The following SGCD variants were observed in gnomAD, a reference collection of about 807,000 sequenced individuals.
SGCD encodes sarcoglycan delta.
A neutral mutation model predicts 36.6 loss-of-function variants in SGCD; 18 were observed. That is an observed-to-expected ratio of 0.49 (90% CI 0.34 to 0.73). The LOEUF (loss-of-function observed/expected upper bound fraction) is 0.73. Among genes scored for constraint, SGCD ranks in the 30% least tolerant of loss-of-function variants. SGCD has a pLI of 0.01. For synonymous variants in SGCD, 133 were observed against 130.6 expected (o/e 1.02, Z -0.12); for missense variants, 387 against 346.7 (o/e 1.12, Z -0.92).
At chr5:156,592,407 C>A (rs930719110) in intron 5 of SGCD, among the ~76,000 whole-genome samples, 1 of 152,212 alleles carries the variant, frequency 6.6e-6, no homozygotes, top group East Asian at 1.9e-4. Context: ...GGTTTTGATG[C>A]CATCAAGAAG....
the SGCD span, among the ~76,000 whole-genome samples, chr5:155,758,240 T>C: frequency 6.6e-6 from 1 of 152,242 alleles, no homozygotes; most frequent in South Asian, 2.1e-4. Flanking sequence ...AATAAAGTTT[T>C]CCATGTTTAG....
At chr5:155,998,136 T>C (rs1581034707) in intron 1 of SGCD, among the ~76,000 whole-genome samples, 1 of 152,356 alleles carries the variant, frequency 6.6e-6, no homozygotes, top group East Asian at 1.9e-4. Context: ...TTTTAATAAA[T>C]ATGAAGATCT....
At chr5:156,709,110 C>T (rs1401130531) in intron 7 of SGCD, among the ~76,000 whole-genome samples, 7 of 152,128 alleles carry the variant, frequency 4.6e-5, no homozygotes, top group South Asian at 2.1e-4. Context: ...TAGAGAGCTG[C>T]TTTCTGTGTC....
At chr5:155,792,628 C>G in the SGCD span, among the ~76,000 whole-genome samples, 5 of 151,844 alleles carry the variant, frequency 3.3e-5, no homozygotes, top group African/African-American at 1.2e-4. Context: ...AGAAGACATG[C>G]AAGGAGCCAA....
chr5:156,102,361 A>T (rs1452907974), intron 1 of SGCD, among the ~76,000 whole-genome samples: 1 of 152,094 alleles, frequency 6.6e-6, no homozygotes, highest in African/African-American at 2.4e-5. Flanking sequence ...GCAAATAAAG[A>T]TTTCTTGATT....
intron 1 of SGCD, among the ~76,000 whole-genome samples, chr5:155,914,877 G>A (rs1020843691): frequency 1.6e-4 from 25 of 152,074 alleles, no homozygotes; most frequent in Admixed American, 4.6e-4. Context: ...GCAATTCTTG[G>A]CAAATTTTTA....
the SGCD span, among the ~76,000 whole-genome samples, chr5:155,748,350 A>G: frequency 6.6e-6 from 1 of 152,056 alleles, no homozygotes; most frequent in Non-Finnish European, 1.5e-5. Context: ...ATATTTATAT[A>G]GATAATTTAT....
the SGCD span, among the ~76,000 whole-genome samples, chr5:155,826,261 G>A: frequency 5.9e-5 from 9 of 152,160 alleles, no homozygotes; most frequent in Admixed American, 6.5e-5. Context: ...TGGTCTCCCT[G>A]TTGCCACTCT....
the SGCD span, among the ~76,000 whole-genome samples, chr5:155,859,429 A>G: frequency 1.3e-5 from 2 of 152,168 alleles, no homozygotes; most frequent in Non-Finnish European, 2.9e-5. Context: ...TATGTGTACA[A>G]GACAATGAGT....
chr5:155,925,390 A>T (rs1756976026), intron 1 of SGCD, among the ~76,000 whole-genome samples: 1 of 152,226 alleles, frequency 6.6e-6, no homozygotes, highest in Non-Finnish European at 1.5e-5. Context: ...CAGACATGTG[A>T]AATGAAAGTG....
At chr5:156,192,135 A>G (rs1000302160) in intron 3 of SGCD, among the ~76,000 whole-genome samples, 6 of 152,096 alleles carry the variant, frequency 3.9e-5, no homozygotes, top group Admixed American at 1.3e-4. Flanking sequence ...GTGACGGTCT[A>G]TATTTGGGGC....
At chr5:155,886,452 G>T (rs539315132) in intron 1 of SGCD, among the ~76,000 whole-genome samples, 1 of 152,276 alleles carries the variant, frequency 6.6e-6, no homozygotes, top group East Asian at 1.9e-4. Context: ...TGGAGAATGG[G>T]TTTATTTGGT....
the SGCD span, among the ~76,000 whole-genome samples, chr5:155,858,942 G>GTTT: frequency 2.0e-5 from 3 of 148,504 alleles, no homozygotes; most frequent in East Asian, 2.0e-4. Context: ...GGCAATGCAG[G>GTTT]TTTTTTTTTT....
At chr5:155,974,982 G>C (rs1228226555) in intron 1 of SGCD, among the ~76,000 whole-genome samples, 2 of 152,104 alleles carry the variant, frequency 1.3e-5, no homozygotes, top group African/African-American at 4.8e-5. Context: ...CATTCTCTGG[G>C]ACTGGAAATT....
At chr5:156,056,485 C>G (rs568412168) in intron 1 of SGCD, among the ~76,000 whole-genome samples, 1 of 144,206 alleles carries the variant, frequency 6.9e-6, no homozygotes, top group South Asian at 2.2e-4. Context: ...GATGCACCAG[C>G]TGATGCTACC....
At chr5:156,725,018 A>G (rs1392340132) in intron 7 of SGCD, among the ~76,000 whole-genome samples, 2 of 152,244 alleles carry the variant, frequency 1.3e-5, no homozygotes, top group African/African-American at 4.8e-5. Flanking sequence ...CCACAGCATC[A>G]GAAATGGAAT....
chr5:155,856,775 C>T, the SGCD span, among the ~76,000 whole-genome samples: 1 of 152,034 alleles, frequency 6.6e-6, no homozygotes, highest in African/African-American at 2.4e-5. Flanking sequence ...TAGAGAAATG[C>T]AAAGGAAAAC....
In SGCD at chr5:156,366,207, C is replaced by T. The variant is rs75810593; in HGVS notation, c.192+21530C>T. ...GTGAAGAGAGGGCATGTGGAGTCTA[C>T]GGAAAAATACTACCAAGTGAGGAAG... On this transcript the variant is annotated intron_variant, in intron 3 of 8. Transcript: ENST00000337851. Among the ~76,000 whole-genome samples the T allele has an allele frequency of 7.7e-3, 1,170 of 152,184 alleles. 9 individuals are homozygous for T. The highest frequency in any genetic ancestry group is 0.02 in the South Asian group (99 of 4,830).
chr5:156,763,734 A>T lies in SGCD; in HGVS notation c.*4344A>T, dbSNP rs936818586. The T allele has an allele frequency of 6.6e-6, 1 of 151,774 alleles. No homozygotes were observed. Among genetic ancestry groups the T allele is most frequent in the African/African-American group, 2.4e-5 (1 of 41,258 alleles). The allele number at this position is 151,774 out of a possible 1,614,324, so 9.4% of individuals were successfully genotyped here. On this transcript the variant is annotated 3_prime_UTR_variant, in exon 9 of 9. Coordinates refer to ENST00000337851, the MANE Select transcript of SGCD (RefSeq NM_000337.6). The stretch of plus-strand genomic sequence containing the variant: ...CAATATCGCTTAAAAAAAAAAAAGT[A>T]TCAGCTAGGGATGACTCTGGAAGTA...
Sources: gnomAD v4.1 joint callset for allele counts (sites outside exome capture counted in the v4.1 genomes callset) on GRCh38, gnomAD v4.1.1 for gene constraint, MANE v1.5 for transcripts, NCBI Gene and HGNC (gene_info 2026-07-23, HGNC 2026-07-21) for gene names.